Variants in CTNND2 observed in about 807,000 individuals in gnomAD.
CTNND2 encodes catenin delta-2.
Under a neutral mutation model 144.4 loss-of-function variants are expected in CTNND2, and 22 were observed. The observed-to-expected ratio is 0.15, with a 90% confidence interval of 0.11 to 0.22. The LOEUF is 0.22. Ranked by LOEUF, CTNND2 falls within the 10% of genes least tolerant of loss-of-function variation. CTNND2 has a pLI of 1.00. For synonymous variants in CTNND2, 751 were observed against 695.6 expected (o/e 1.08, Z -1.25); for missense variants, 1,353 against 1,618.8 (o/e 0.84, Z 2.82).
intron 11 of CTNND2, among the ~76,000 whole-genome samples, chr5:11,169,627 C>A (rs1330080040): frequency 6.6e-6 from 1 of 152,192 alleles, no homozygotes; most frequent in Admixed American, 6.5e-5. Context: ...AGTGAGCATG[C>A]ATATATAACC....
chr5:11,291,113 C>T (rs749761192), intron 9 of CTNND2, among the ~76,000 whole-genome samples: 1 of 152,080 alleles, frequency 6.6e-6, no homozygotes, highest in Non-Finnish European at 1.5e-5. Flanking sequence ...TGCTGTCCTG[C>T]CACTCCCACA....
intron 3 of CTNND2, among the ~76,000 whole-genome samples, chr5:11,439,499 A>T (rs150897680): frequency 1.3e-5 from 2 of 152,198 alleles, no homozygotes; most frequent in Non-Finnish European, 2.9e-5. Flanking sequence ...TCTTATTAAT[A>T]GTTGGAGTTA....
intron 18 of CTNND2, among the ~76,000 whole-genome samples, chr5:11,002,595 A>G (rs1413938163): frequency 6.6e-6 from 1 of 152,198 alleles, no homozygotes; most frequent in African/African-American, 2.4e-5. Flanking sequence ...GGGGAGAGAA[A>G]ACAGGCTAAA....
intron 2 of CTNND2, among the ~76,000 whole-genome samples, chr5:11,570,042 T>G (rs1777437292): frequency 6.6e-6 from 1 of 152,246 alleles, no homozygotes; most frequent in Non-Finnish European, 1.5e-5. Flanking sequence ...ACAGTTTCAT[T>G]TCCATTCACA....
At chr5:11,669,648 TTC>T (rs1783766451) in intron 2 of CTNND2, among the ~76,000 whole-genome samples, 1 of 152,034 alleles carries the variant, frequency 6.6e-6, no homozygotes, top group African/African-American at 2.4e-5. Flanking sequence ...TATTTGATTC[TTC>T]TCTCTTTTCT....
At chr5:11,747,783 T>C (rs1440577937) in intron 1 of CTNND2, among the ~76,000 whole-genome samples, 2 of 152,150 alleles carry the variant, frequency 1.3e-5, no homozygotes, top group African/African-American at 4.8e-5. Flanking sequence ...TTGCCAACTT[T>C]GACTGTCACA....
intron 9 of CTNND2, among the ~76,000 whole-genome samples, chr5:11,306,551 G>A (rs1489965578): frequency 6.6e-6 from 1 of 152,148 alleles, no homozygotes; most frequent in African/African-American, 2.4e-5. Context: ...TCAACTAAGA[G>A]TCAAGTTATT....
intron 1 of CTNND2, among the ~76,000 whole-genome samples, chr5:11,775,758 C>A (rs187199823): frequency 6.6e-6 from 1 of 152,170 alleles, no homozygotes; most frequent in South Asian, 2.1e-4. Flanking sequence ...GAATAATATA[C>A]CCCCGACATT....
chr5:11,874,937 T>A (rs796998433), intron 1 of CTNND2, among the ~76,000 whole-genome samples: 3 of 152,048 alleles, frequency 2.0e-5, no homozygotes, highest in African/African-American at 7.2e-5. Flanking sequence ...TATGAAAGAA[T>A]GGAAATGTAC....
At chr5:11,530,107 T>A (rs1014074735) in intron 3 of CTNND2, among the ~76,000 whole-genome samples, 1 of 150,112 alleles carries the variant, frequency 6.7e-6, no homozygotes, top group African/African-American at 2.5e-5. Flanking sequence ...TTCCTTTGAT[T>A]TTAACTCCAT....
chr5:11,628,215 A>C (rs1781254412), intron 2 of CTNND2, among the ~76,000 whole-genome samples: 1 of 152,184 alleles, frequency 6.6e-6, no homozygotes, highest in Admixed American at 6.5e-5. Flanking sequence ...AACAGGATAA[A>C]TTAAAAAGTC....
chr5:11,452,164 AG>A (rs1370226423), intron 3 of CTNND2, among the ~76,000 whole-genome samples: 1 of 152,264 alleles, frequency 6.6e-6, no homozygotes, highest in Non-Finnish European at 1.5e-5. Context: ...ATAGGTGGAT[AG>A]GTTGCAAAGT....
chr5:11,825,725 G>T (rs984592669), intron 1 of CTNND2, among the ~76,000 whole-genome samples: 1 of 151,838 alleles, frequency 6.6e-6, no homozygotes, highest in African/African-American at 2.4e-5. Context: ...AACTTATGCT[G>T]GTAGACAGAA....
rs149511539 is a variant in CTNND2 at position 11,531,618 on chromosome 5, T to G, written c.287+33326A>C. Among the ~76,000 whole-genome samples the G allele has an allele frequency of 7.1e-3, 1,083 of 152,068 alleles. 14 individuals carry two copies. Among genetic ancestry groups the G allele is most frequent in the African/African-American group, 0.023 (940 of 41,462 alleles). ...TCCAGCCTGGAGGACAGAGTAAGAC[T>G]CTGTCAAAAACAAAACAAAACAAAA... On this transcript the variant is annotated intron_variant, in intron 3 of 21. Coordinates refer to ENST00000304623, the MANE Select transcript of CTNND2 (RefSeq NM_001332.4).
chr5:11,343,169 C>T (rs1306054807), intron 9 of CTNND2, among the ~76,000 whole-genome samples: 1 of 152,164 alleles, frequency 6.6e-6, no homozygotes, highest in Non-Finnish European at 1.5e-5. Context: ...ACAAGAAAAT[C>T]CCAACCCCTC....
intron 9 of CTNND2, among the ~76,000 whole-genome samples, chr5:11,301,541 C>A (rs995963185): frequency 6.6e-6 from 1 of 152,170 alleles, no homozygotes; most frequent in African/African-American, 2.4e-5. Flanking sequence ...TCAAGCTTTA[C>A]AATCTTTCTT....
At chr5:11,684,355 G>A (rs1225692768) in intron 2 of CTNND2, among the ~76,000 whole-genome samples, 1 of 152,038 alleles carries the variant, frequency 6.6e-6, no homozygotes, top group African/African-American at 2.4e-5. Context: ...ACCCGCCTCG[G>A]CCTCCCAAAG....
rs1205072595 is a variant in CTNND2 at position 11,736,901 on chromosome 5, T to C, written c.38-4629A>G. ...ATAATAAGGTACTAATGCAAGGTTT[T>C]TGAATTTCTTGTGGCTCAGCAACAT... is the stretch of plus-strand genomic sequence containing the variant. On this transcript the variant is annotated intron_variant, in intron 1 of 21. Transcript: ENST00000304623. Among the ~76,000 whole-genome samples, 4 of 152,186 alleles carry C rather than the reference T, an allele frequency of 2.6e-5. No individual in the cohort carries two copies. The East Asian group carries it at 5.8e-4, about 22-fold the overall frequency.
intron 1 of CTNND2, among the ~76,000 whole-genome samples, chr5:11,741,269 G>A (rs188985840): frequency 4.1e-4 from 62 of 152,176 alleles, no homozygotes; most frequent in African/African-American, 1.4e-3. Flanking sequence ...ACATGCACAC[G>A]TATGTTTACT....
Sources: allele counts gnomAD v4.1 joint callset (sites outside exome capture counted in the v4.1 genomes callset), GRCh38; gene constraint gnomAD v4.1.1; transcripts MANE v1.5; gene names NCBI Gene and HGNC (gene_info 2026-07-23, HGNC 2026-07-21).